Variants in FNDC3B observed in about 807,000 individuals in gnomAD.
FNDC3B encodes fibronectin type III domain-containing protein 3B.
FNDC3B carries 12 observed loss-of-function variants against 151.5 expected under a neutral mutation model. The observed-to-expected ratio is 0.08, with a 90% confidence interval of 0.05 to 0.13. The LOEUF is 0.13. FNDC3B is among the 10% of genes least tolerant of loss of function. The pLI is 1.00. For synonymous variants in FNDC3B, 528 were observed against 549.0 expected (o/e 0.96, Z 0.54); for missense variants, 1,214 against 1,505.3 (o/e 0.81, Z 3.20).
At chr3:172,258,090 T>C (rs747708914) in intron 6 of FNDC3B, among the ~76,000 whole-genome samples, 8 of 152,162 alleles carry the variant, frequency 5.3e-5, no homozygotes, top group Non-Finnish European at 8.8e-5. Flanking sequence ...GCAGCTTATG[T>C]GAACTCTTCT....
chr3:172,096,216 G>C lies in FNDC3B; in HGVS notation c.-28-16236G>C, dbSNP rs544580037. Among the ~76,000 whole-genome samples the C allele has an allele frequency of 1.8e-4, 28 of 152,264 alleles. No individual in the cohort carries two copies. In the South Asian group the frequency reaches 5.6e-3, roughly 30 times the overall value. ...GGATAGGTTTATAGTTGTGAAATAG[G>C]TGCTACAGACAGTTAACATAAAACA... On this transcript the variant is annotated intron_variant, in intron 1 of 25. Transcript: ENST00000415807.
At position 172,247,697 on chromosome 3, in the gene FNDC3B, A is replaced by C. The variant is rs1372398671; in HGVS notation, c.429A>C (p.Pro143=). 6.2e-7 allele frequency: 1 copy of C among 1,613,992 alleles called. No homozygotes were observed. The highest frequency in any genetic ancestry group is 2.2e-5 in the East Asian group (1 of 44,878). The change falls in exon 5 of 26, where the codon CCA becomes CCC. Residue 143 remains proline (P), a synonymous_variant. Transcript: ENST00000415807. ...ATAACTCACACACGGCTTACTACCC[A>C]CCTGTTACCGGACCTGGAGATATGC... The part of the protein sequence containing the change: ...FIHNSHTAYY[P]PVTGPGDMPP...
chr3:172,333,048 A>AT (rs1360426456), intron 13 of FNDC3B, 41 bp from the exon 14 acceptor site: 1 of 1,346,390 alleles, frequency 7.4e-7, no homozygotes, highest in Non-Finnish European at 1.1e-6. Context: ...AATGCCCAGA[A>AT]TTTTTTATAC....
intron 6 of FNDC3B, among the ~76,000 whole-genome samples, chr3:172,260,360 C>T (rs983119566): frequency 7.2e-5 from 11 of 152,232 alleles, no homozygotes; most frequent in African/African-American, 2.7e-4. Flanking sequence ...GGTTTAGTCT[C>T]AATTCAGCCA....
intron 1 of FNDC3B, among the ~76,000 whole-genome samples, chr3:172,078,603 C>T (rs867752033): frequency 3.3e-5 from 5 of 152,196 alleles, no homozygotes; most frequent in South Asian, 4.1e-4. Context: ...TTTTCTTTTT[C>T]ATCCTAGCTT....
chr3:172,302,572 A>G (rs1284389291), intron 9 of FNDC3B: 3 of 152,186 alleles, frequency 2.0e-5, no homozygotes, highest in African/African-American at 7.2e-5. Flanking sequence ...TTCAGTCACT[A>G]TTCTTTTTTT....
At chr3:172,059,444 A>G (rs954111625) in intron 1 of FNDC3B, among the ~76,000 whole-genome samples, 2 of 152,198 alleles carry the variant, frequency 1.3e-5, no homozygotes, top group African/African-American at 4.8e-5. Context: ...AGGACTTAAA[A>G]GGCTTTGAAA....
At chr3:172,189,551 T>G (rs189035388) in intron 3 of FNDC3B, among the ~76,000 whole-genome samples, 58 of 152,336 alleles carry the variant, frequency 3.8e-4, no homozygotes, top group Admixed American at 3.5e-3. Context: ...TTGAATTTTT[T>G]TTTATTTTAA....
Position 172,329,034 on chromosome 3 carries a change from G to A in FNDC3B, c.1337G>A (p.Gly446Glu). The stretch of plus-strand genomic sequence containing the variant: ...TTGACAAAGCTTTGTCCGGCAATGG[G>A]GTACACATTCAGGCTGGCCGCTCGA... ...CKLTKLCPAM[G>E]YTFRLAARND... The change falls in exon 12 of 26, where the codon GGG becomes GAG. Residue 446 changes from glycine to glutamate, a missense_variant. By Grantham distance (98) the Gly-to-Glu change is moderately conservative. Coordinates refer to ENST00000415807, the MANE Select transcript of FNDC3B (RefSeq NM_022763.4). 1.9e-6 allele frequency: 3 copies of A among 1,613,790 alleles called. No individual in the cohort carries two copies. The highest frequency in any genetic ancestry group is 1.3e-5 in the African/African-American group (1 of 75,022).
intron 2 of FNDC3B, among the ~76,000 whole-genome samples, chr3:172,118,157 C>T (rs975563364): frequency 4.6e-5 from 7 of 152,206 alleles, no homozygotes; most frequent in Non-Finnish European, 1.0e-4. Context: ...CATTTCCAGA[C>T]AGTATGTTCA....
intron 14 of FNDC3B, among the ~76,000 whole-genome samples, chr3:172,334,009 G>A (rs962112322): frequency 3.9e-5 from 6 of 151,948 alleles, no homozygotes; most frequent in Non-Finnish European, 5.9e-5. Flanking sequence ...AGATCAAAAC[G>A]ATATTCTGCA....
At chr3:172,145,900 G>T (rs1024062085) in intron 3 of FNDC3B, among the ~76,000 whole-genome samples, 1 of 137,670 alleles carries the variant, frequency 7.3e-6, no homozygotes, top group African/African-American at 2.7e-5. Context: ...TGCAACCTCC[G>T]CCACCCGGGT....
At chr3:172,088,871 G>A (rs1718676640) in intron 1 of FNDC3B, among the ~76,000 whole-genome samples, 2 of 152,200 alleles carry the variant, frequency 1.3e-5, no homozygotes, top group Non-Finnish European at 2.9e-5. Context: ...TGCTTAAAAT[G>A]ATTAGCTTGT....
intron 7 of FNDC3B, among the ~76,000 whole-genome samples, chr3:172,294,225 G>A (rs779323834): frequency 6.6e-6 from 1 of 152,224 alleles, no homozygotes; most frequent in Non-Finnish European, 1.5e-5. Context: ...AGAGACAAGG[G>A]AACTGAGACA....
At chr3:172,247,821 CA>C in intron 5 of FNDC3B, 45 bp downstream of exon 5, 1 of 1,598,302 alleles carries the variant, frequency 6.3e-7, no homozygotes, top group Non-Finnish European at 8.6e-7. Flanking sequence ...AAACTGATTA[CA>C]GCGTTTCAAT....
intron 2 of FNDC3B, among the ~76,000 whole-genome samples, chr3:172,121,167 A>G (rs556286001): frequency 6.6e-6 from 1 of 152,328 alleles, no homozygotes; most frequent in African/African-American, 2.4e-5. Context: ...GAAATTGTTA[A>G]CTTTTTAAAC....
At chr3:172,359,014 G>GTGGTGGTGA (rs1734239346) in intron 22 of FNDC3B, among the ~76,000 whole-genome samples, 1 of 129,424 alleles carries the variant, frequency 7.7e-6, no homozygotes, top group African/African-American at 3.0e-5. Context: ...GGTGGTGGTG[G>GTGGTGGTGA]TGGTGATGGT....
At position 172,298,732 on chromosome 3, in the gene FNDC3B, G is replaced by A. The variant is rs980095994; in HGVS notation, c.1006G>A (p.Glu336Lys). 4 of 1,603,630 alleles carry A rather than the reference G, an allele frequency of 2.5e-6. No homozygotes were observed. Among genetic ancestry groups the A allele is most frequent in the African/African-American group, 1.3e-5 (1 of 74,560 alleles). Residue 336 changes from glutamate (E) to lysine (K), a missense_variant, in exon 9 of 26, where the codon GAA becomes AAA. Physicochemically the swap from Glu to Lys is moderately conservative, Grantham distance 56. Coordinates refer to ENST00000415807, the MANE Select transcript of FNDC3B (RefSeq NM_022763.4). ...ATGAATGCTTTTTCTTTACAGTGGA[G>A]AAGAATTAGAATGTAACCTGAAAGA... Reference protein sequence around the residue: ...DGKYKIIYSGEELECNLKDLR... With the variant: ...DGKYKIIYSGKELECNLKDLR...
intron 6 of FNDC3B, among the ~76,000 whole-genome samples, chr3:172,257,840 T>C (rs904721940): frequency 2.6e-5 from 4 of 152,176 alleles, no homozygotes; most frequent in Non-Finnish European, 5.9e-5. Flanking sequence ...CACCAATCTA[T>C]GTTTCATCAG....
Sources: allele counts gnomAD v4.1 joint callset (sites outside exome capture counted in the v4.1 genomes callset), GRCh38; gene constraint gnomAD v4.1.1; transcripts MANE v1.5; gene names NCBI Gene and HGNC (gene_info 2026-07-23, HGNC 2026-07-21).